Variants in CSPP1 observed in about 807,000 individuals in gnomAD.
CSPP1 encodes centrosome and spindle pole-associated protein 1.
In CSPP1, 126 loss-of-function variants were observed where a neutral mutation model predicts 164.4. The ratio of observed to expected loss-of-function variants is 0.77; its 90% CI spans 0.66 to 0.89. The LOEUF is 0.89. Ranked by LOEUF, CSPP1 falls within the 40% of genes least tolerant of loss-of-function variation. CSPP1 has a pLI of 0.00. For synonymous variants in CSPP1, 472 were observed against 476.7 expected, an observed-to-expected ratio of 0.99 and a Z score of 0.13; for missense variants, 1,395 against 1,449.8, an observed-to-expected ratio of 0.96 and a Z score of 0.61.
intron 9 of CSPP1, among the ~76,000 whole-genome samples, chr8:67,111,514 T>G (rs145149920): frequency 6.6e-6 from 1 of 152,058 alleles, no homozygotes; most frequent in Non-Finnish European, 1.5e-5. Flanking sequence ...TCATATGAAG[T>G]GAATAGAAGA....
chr8:67,180,000 G>A, intron 28 of CSPP1, 74 bp downstream of exon 28: 2 of 779,330 alleles, frequency 2.6e-6, no homozygotes, highest in African/African-American at 1.8e-5. Flanking sequence ...AACCAGTACT[G>A]TATTCCTTGT....
intron 8 of CSPP1, among the ~76,000 whole-genome samples, chr8:67,105,002 G>T: frequency 9.8e-6 from 1 of 102,136 alleles, no homozygotes; most frequent in Non-Finnish European, 2.0e-5. Context: ...TACTGGGGTA[G>T]CTGTTTTTTT....
chr8:67,075,374 C>G (rs966057799), intron 2 of CSPP1, among the ~76,000 whole-genome samples: 1 of 151,972 alleles, frequency 6.6e-6, no homozygotes, highest in Non-Finnish European at 1.5e-5. Flanking sequence ...GTGTTTTTTT[C>G]TGGTTTAGCA....
At chr8:67,115,298 T>C (rs1817703920) in intron 12 of CSPP1, 1 of 152,276 alleles carries the variant, frequency 6.6e-6, no homozygotes. Flanking sequence ...CTCTAGTCTT[T>C]GCTTAATTAT....
intron 28 of CSPP1, among the ~76,000 whole-genome samples, chr8:67,185,673 C>A (rs934450714): frequency 1.3e-5 from 2 of 152,112 alleles, no homozygotes; most frequent in Non-Finnish European, 2.9e-5. Flanking sequence ...GGAAAGCAGT[C>A]TACCCCTGGA....
intron 2 of CSPP1, 95 bp from the exon 3 acceptor site, chr8:67,076,387 A>C: frequency 1.6e-6 from 1 of 616,114 alleles, no homozygotes; most frequent in Non-Finnish European, 2.7e-6. Context: ...GTACTGTGTA[A>C]TTTCATCAAG....
At chr8:67,066,842 G>A (rs1473213110) in intron 1 of CSPP1, among the ~76,000 whole-genome samples, 1 of 152,068 alleles carries the variant, frequency 6.6e-6, no homozygotes, top group Non-Finnish European at 1.5e-5. Flanking sequence ...ATGCTGGAGT[G>A]CAGTGGTGTG....
chr8:67,155,788 T>A (rs1216167242), intron 19 of CSPP1, among the ~76,000 whole-genome samples: 1 of 152,098 alleles, frequency 6.6e-6, no homozygotes, highest in Non-Finnish European at 1.5e-5. Flanking sequence ...AAAGGATGAT[T>A]GATGTGACAT....
chr8:67,099,837 AAGG>A, intron 7 of CSPP1, among the ~76,000 whole-genome samples: 1 of 152,312 alleles, frequency 6.6e-6, no homozygotes, highest in Middle Eastern at 3.4e-3. Flanking sequence ...AATAGAGAAT[AAGG>A]TGGCTAACTT....
At chr8:67,104,443 T>A (rs555287864) in intron 8 of CSPP1, among the ~76,000 whole-genome samples, 4 of 151,896 alleles carry the variant, frequency 2.6e-5, no homozygotes, top group South Asian at 2.1e-4. Context: ...TTTTAAAAAA[T>A]TTTTTTGTAG....
At position 67,195,692 on chromosome 8, in the gene CSPP1, A is replaced by C; in HGVS notation, c.*99A>C. ...TACTTTTGGCCCCTACCTGAAAGTTACTTTTTTTCCATCATCTGTATATAA... is the reference window on the plus strand; with the variant it reads ...TACTTTTGGCCCCTACCTGAAAGTTCCTTTTTTTCCATCATCTGTATATAA... On this transcript the variant is annotated 3_prime_UTR_variant, in exon 31 of 31. Transcript: ENST00000678616. The C allele has an allele frequency of 1.1e-6, 1 of 913,654 alleles. No homozygotes were observed. Among genetic ancestry groups the C allele is most frequent in the Non-Finnish European group, 1.7e-6 (1 of 593,726 alleles). The allele number at this position is 913,654 out of a possible 1,614,324, so 56.6% of individuals were successfully genotyped here.
intron 10 of CSPP1, among the ~76,000 whole-genome samples, chr8:67,112,689 CT>C (rs903962995): frequency 1.3e-5 from 2 of 152,146 alleles, no homozygotes; most frequent in Non-Finnish European, 2.9e-5. Flanking sequence ...AGCTTTCTAA[CT>C]AATAACTAGT....
intron 7 of CSPP1, among the ~76,000 whole-genome samples, chr8:67,097,316 C>G (rs896661293): frequency 5.3e-5 from 8 of 152,114 alleles, no homozygotes; most frequent in African/African-American, 1.9e-4. Flanking sequence ...TCTTTGTCTT[C>G]TACATTCTGT....
intron 27 of CSPP1, among the ~76,000 whole-genome samples, chr8:67,179,127 G>T (rs914939144): frequency 1.3e-5 from 2 of 152,170 alleles, no homozygotes; most frequent in African/African-American, 4.8e-5. Flanking sequence ...GGGAGGTGGA[G>T]TTGGATGACT....
chr8:67,195,196 A>T (rs1298520590), intron 30 of CSPP1, among the ~76,000 whole-genome samples, 186 bp from the exon 31 acceptor site: 1 of 151,888 alleles, frequency 6.6e-6, no homozygotes, highest in Non-Finnish European at 1.5e-5. Context: ...TTGTGGGCCC[A>T]CTCTCCTCCC....
intron 16 of CSPP1, 126 bp downstream of exon 16, chr8:67,132,206 T>G: frequency 2.0e-6 from 2 of 988,606 alleles, no homozygotes; most frequent in Admixed American, 5.3e-5. Flanking sequence ...TGCTGAGTTT[T>G]GAAGTGGATA....
intron 10 of CSPP1, among the ~76,000 whole-genome samples, chr8:67,113,252 A>C (rs1817242922): frequency 1.3e-5 from 2 of 152,132 alleles, no homozygotes; most frequent in South Asian, 4.1e-4. Flanking sequence ...ACTAAACAAC[A>C]ACAAAAACAA....
At chr8:67,170,522 T>C (rs1437188446) in intron 24 of CSPP1, among the ~76,000 whole-genome samples, 1 of 152,156 alleles carries the variant, frequency 6.6e-6, no homozygotes, top group African/African-American at 2.4e-5. Context: ...ATCTGCATTT[T>C]ACAGATGATG....
chr8:67,075,870 G>C (rs1331655759), intron 2 of CSPP1, among the ~76,000 whole-genome samples: 1 of 152,166 alleles, frequency 6.6e-6, no homozygotes, highest in Non-Finnish European at 1.5e-5. Flanking sequence ...CCTTTATGCA[G>C]CTCCAGAGTC....
Sources: gnomAD v4.1 joint callset for allele counts (sites outside exome capture counted in the v4.1 genomes callset) on GRCh38, gnomAD v4.1.1 for gene constraint, MANE v1.5 for transcripts, NCBI Gene and HGNC (gene_info 2026-07-23, HGNC 2026-07-21) for gene names.